The following STXBP5 variants were observed in gnomAD, a reference collection of about 807,000 sequenced individuals.
STXBP5 encodes the protein syntaxin binding protein 5, also known as syntaxin-binding protein 5.
STXBP5 carries 50 observed loss-of-function variants against 152.4 expected under a neutral mutation model. The observed-to-expected ratio is 0.33, with a 90% confidence interval of 0.26 to 0.42. STXBP5 has a LOEUF of 0.42. Among genes scored for constraint, STXBP5 ranks in the 10% least tolerant of loss-of-function variants. STXBP5 has a pLI of 1.00. For synonymous variants in STXBP5, 492 were observed against 494.7 expected (o/e 0.99, Z 0.07); for missense variants, 1,167 against 1,388.6 (o/e 0.84, Z 2.54).
At chr6:147,376,052 GAC>G (rs1170129142) in intron 26 of STXBP5, among the ~76,000 whole-genome samples, 4 of 152,144 alleles carry the variant, frequency 2.6e-5, no homozygotes, top group African/African-American at 9.7e-5. Flanking sequence ...GGATGTCAGA[GAC>G]ACACAGTGAT....
chr6:147,311,418 T>A, intron 10 of STXBP5, 37 bp from the exon 11 acceptor site: 1 of 1,577,728 alleles, frequency 6.3e-7, no homozygotes, highest in African/African-American at 1.4e-5. Context: ...TCCACTTGCA[T>A]TTTTGAAACT....
intron 14 of STXBP5, 85 bp from the exon 15 acceptor site, chr6:147,315,430 C>A: frequency 1.1e-6 from 1 of 876,090 alleles, no homozygotes. Context: ...GGACCATTTT[C>A]TATACATAGT....
intron 26 of STXBP5, among the ~76,000 whole-genome samples, chr6:147,381,863 G>A (rs1470924836): frequency 6.6e-6 from 1 of 152,090 alleles, no homozygotes; most frequent in Non-Finnish European, 1.5e-5. Context: ...ATTAGTGATT[G>A]CCAAGAACTG....
chr6:147,270,027 A>C (rs1780079553), intron 7 of STXBP5, among the ~76,000 whole-genome samples: 2 of 152,188 alleles, frequency 1.3e-5, no homozygotes, highest in Admixed American at 1.3e-4. Context: ...ATTCCTACAA[A>C]CTAGTAATAG....
Position 147,311,809 on chromosome 6 carries a change from C to T in STXBP5, c.1145+282C>T, listed in dbSNP as rs181882730. Among the ~76,000 whole-genome samples, 63 of 152,208 alleles carry T rather than the reference C, an allele frequency of 4.1e-4. No individual in the cohort carries two copies. The Middle Eastern group carries it at 0.017, about 41-fold the overall frequency. On this transcript the variant is annotated intron_variant, in intron 11 of 27. Coordinates refer to ENST00000321680, the MANE Select transcript of STXBP5 (RefSeq NM_001127715.4). ...ATCCTGGGGCCACACAAAATCAGCACGTCAAAAATTAATCCCATCAGTATT... is the reference window on the plus strand; with the variant it reads ...ATCCTGGGGCCACACAAAATCAGCATGTCAAAAATTAATCCCATCAGTATT...
chr6:147,213,266 TC>T (rs1489664928), intron 2 of STXBP5, among the ~76,000 whole-genome samples: 2 of 151,540 alleles, frequency 1.3e-5, no homozygotes, highest in African/African-American at 4.9e-5. Context: ...AAGAATTTTT[TC>T]TTTCTTTTTT....
chr6:147,367,390 G>A (rs1052010802), intron 25 of STXBP5, among the ~76,000 whole-genome samples: 1 of 152,198 alleles, frequency 6.6e-6, no homozygotes, highest in Admixed American at 6.5e-5. Flanking sequence ...TGTAATCCCA[G>A]CACTTTGGGA....
intron 2 of STXBP5, among the ~76,000 whole-genome samples, chr6:147,232,473 G>C (rs530346335): frequency 6.6e-6 from 1 of 151,618 alleles, no homozygotes; most frequent in Admixed American, 6.6e-5. Context: ...TTTTGTTATG[G>C]AGTAATAACT....
At chr6:147,217,663 G>A (rs1777244797) in intron 2 of STXBP5, among the ~76,000 whole-genome samples, 1 of 152,140 alleles carries the variant, frequency 6.6e-6, no homozygotes, top group South Asian at 2.1e-4. Context: ...ATAGTGGAAG[G>A]AGGTAACTAG....
At chr6:147,362,394 A>G (rs1226514147) in intron 23 of STXBP5, among the ~76,000 whole-genome samples, 1 of 152,208 alleles carries the variant, frequency 6.6e-6, no homozygotes, top group Non-Finnish European at 1.5e-5. Flanking sequence ...CTTCCATTCC[A>G]TTAATGTTAT....
chr6:147,298,824 A>G (rs749352778), intron 9 of STXBP5, among the ~76,000 whole-genome samples: 2 of 152,076 alleles, frequency 1.3e-5, no homozygotes, highest in Non-Finnish European at 2.9e-5. Flanking sequence ...GAATACAGCA[A>G]AAGCAGTCCT....
intron 7 of STXBP5, among the ~76,000 whole-genome samples, chr6:147,270,814 TAACA>T (rs1171317803): frequency 5.9e-5 from 9 of 152,264 alleles, no homozygotes; most frequent in African/African-American, 1.4e-4. Context: ...TACATAGAGT[TAACA>T]AACAGACAAC....
At chr6:147,273,803 C>T (rs1448354293) in intron 7 of STXBP5, among the ~76,000 whole-genome samples, 3 of 151,956 alleles carry the variant, frequency 2.0e-5, no homozygotes, top group Non-Finnish European at 4.4e-5. Flanking sequence ...TACAAAAAAA[C>T]TAGCCAGGTG....
At chr6:147,275,344 A>G (rs895127053) in intron 7 of STXBP5, among the ~76,000 whole-genome samples, 1 of 151,944 alleles carries the variant, frequency 6.6e-6, no homozygotes, top group African/African-American at 2.4e-5. Flanking sequence ...TTTGTGGATT[A>G]TGGGAACAGC....
chr6:147,314,005 C>G lies in STXBP5; in HGVS notation c.1267C>G (p.Gln423Glu). 1 of 1,594,646 alleles carries G rather than the reference C, an allele frequency of 6.3e-7. No individual in the cohort carries two copies. Among genetic ancestry groups the G allele is most frequent in the Non-Finnish European group, 8.6e-7 (1 of 1,168,178 alleles). The change falls in exon 12 of 28, where the codon CAG becomes GAG. Residue 423 changes from glutamine (Q) to glutamate (E), a missense_variant. Coordinates refer to ENST00000321680, the MANE Select transcript of STXBP5 (RefSeq NM_001127715.4). ...IPALYSVGARQKRQGYSKKEW... is the reference protein window; with the variant it reads ...IPALYSVGAREKRQGYSKKEW... ...TGCACTTTATTCTGTTGGAGCTAGACAGAAACGTCAAGGTTACAGCAAAAA... is the reference window on the plus strand; with the variant it reads ...TGCACTTTATTCTGTTGGAGCTAGAGAGAAACGTCAAGGTTACAGCAAAAA...
At chr6:147,227,300 T>TG (rs1001882049) in intron 2 of STXBP5, among the ~76,000 whole-genome samples, 1 of 152,156 alleles carries the variant, frequency 6.6e-6, no homozygotes, top group African/African-American at 2.4e-5. Flanking sequence ...GGCATATACA[T>TG]GGTGTAAAGA....
chr6:147,364,056 C>T lies in STXBP5; in HGVS notation c.2971C>T (p.Arg991Trp), dbSNP rs756669261. 11 of 1,613,944 alleles carry T rather than the reference C, an allele frequency of 6.8e-6. No individual in the cohort carries two copies. The highest frequency in any genetic ancestry group is 1.7e-5 in the Admixed American group (1 of 60,014). ...GTATTACTTGCCCCTTACCAATATG[C>T]GGATAGCCAGAACGTTCTGCTTTAC... ...DVYYLPLTNM[R>W]IARTFCFTNN... Residue 991 changes from arginine (R) to tryptophan (W), a missense_variant, in exon 25 of 28, where the codon CGG becomes TGG. Transcript: ENST00000321680.
At chr6:147,326,821 A>G (rs1296579371) in intron 17 of STXBP5, among the ~76,000 whole-genome samples, 2 of 152,194 alleles carry the variant, frequency 1.3e-5, no homozygotes, top group Admixed American at 6.5e-5. Flanking sequence ...AGGTAGAAAA[A>G]TAGATGTTGC....
intron 21 of STXBP5, among the ~76,000 whole-genome samples, chr6:147,349,846 C>T (rs567214223): frequency 6.6e-6 from 1 of 152,222 alleles, no homozygotes; most frequent in East Asian, 1.9e-4. Context: ...AAGGCCTTAA[C>T]TCTGTATTTT....
Sources: gnomAD v4.1 joint callset for allele counts (sites outside exome capture counted in the v4.1 genomes callset) on GRCh38, gnomAD v4.1.1 for gene constraint, MANE v1.5 for transcripts, NCBI Gene and HGNC (gene_info 2026-07-23, HGNC 2026-07-21) for gene names.